The following R3HDM1 variants were observed in gnomAD, a reference collection of about 807,000 sequenced individuals.
R3HDM1 encodes R3H domain-containing protein 1.
A neutral mutation model predicts 141.1 loss-of-function variants in R3HDM1; 46 were observed. That is an observed-to-expected ratio of 0.33 (90% confidence interval 0.26 to 0.42). The LOEUF is 0.42. Ranked by LOEUF, R3HDM1 falls within the 10% of genes least tolerant of loss-of-function variation. The probability of loss-of-function intolerance (pLI) is 1.00; values close to 1 mark genes in which losing one functional copy is unlikely to be tolerated. For synonymous variants in R3HDM1, 435 were observed against 472.9 expected, an observed-to-expected ratio of 0.92 and a Z score of 1.04; for missense variants, 1,184 against 1,368.3, an observed-to-expected ratio of 0.87 and a Z score of 2.12.
rs147481912 is a variant in R3HDM1 at position 135,557,436 on chromosome 2, G to A, written c.-250+25803G>A. ...AGCATACAAACTCAACAAAACAGGAGTCAGAGAATTTACTAAACTCATCGA... is the reference window on the plus strand; with the variant it reads ...AGCATACAAACTCAACAAAACAGGAATCAGAGAATTTACTAAACTCATCGA... On this transcript the variant is annotated intron_variant, in intron 1 of 26. Transcript: ENST00000683871. Among the ~76,000 whole-genome samples the A allele has an allele frequency of 2.6e-5, 4 of 152,234 alleles. No homozygotes were observed. In the East Asian group the frequency reaches 7.7e-4, roughly 29 times the overall value.
At chr2:135,620,681 C>G in intron 5 of R3HDM1, 1 of 946,398 alleles carries the variant, frequency 1.1e-6, no homozygotes. Flanking sequence ...TTTAGTAAAA[C>G]TGGTGTAGAA....
chr2:135,675,251 A>G lies in R3HDM1; in HGVS notation c.2153-81A>G, dbSNP rs2068980181. The stretch of plus-strand genomic sequence containing the variant: ...AAAATTTTATCATTTTAGAGCATAA[A>G]AGTACTCGCTTAAATTTTTTTTTAA... On this transcript the variant is annotated intron_variant, in intron 19 of 26. Coordinates refer to ENST00000683871, the MANE Select transcript of R3HDM1 (RefSeq NM_001378107.1). 1.4e-5 allele frequency: 19 copies of G among 1,343,888 alleles called. No individual in the cohort carries two copies. The South Asian group carries it at 2.0e-4, about 14-fold the overall frequency. The allele number at this position is 1,343,888 out of a possible 1,614,324, so 83.2% of individuals were successfully genotyped here.
intron 26 of R3HDM1, among the ~76,000 whole-genome samples, 192 bp downstream of exon 26, chr2:135,722,745 T>C (rs1207104525): frequency 1.3e-5 from 2 of 152,086 alleles, no homozygotes; most frequent in African/African-American, 2.4e-5. Flanking sequence ...GTATATATGG[T>C]AAGATGCAGG....
intron 1 of R3HDM1, among the ~76,000 whole-genome samples, chr2:135,578,200 ATG>A (rs1331173271): frequency 2.0e-5 from 3 of 152,232 alleles, no homozygotes; most frequent in Non-Finnish European, 4.4e-5. Context: ...GTAAGAAAGA[ATG>A]AGGAAAATCG....
chr2:135,568,779 A>G (rs1703393692), intron 1 of R3HDM1: 1 of 152,248 alleles, frequency 6.6e-6, no homozygotes, highest in African/African-American at 2.4e-5. Flanking sequence ...GACCTCTCGG[A>G]AGAAAGGGAT....
intron 1 of R3HDM1, chr2:135,590,830 A>G (rs1200215849): frequency 1.4e-6 from 1 of 699,314 alleles, no homozygotes; most frequent in African/African-American, 1.9e-5. Flanking sequence ...GTTCTGCCTC[A>G]AGCTGTTTTT....
intron 1 of R3HDM1, chr2:135,590,453 T>G (rs1369024231): frequency 9.6e-6 from 7 of 727,354 alleles, no homozygotes; most frequent in Non-Finnish European, 1.2e-5. Context: ...ATGAGACAAT[T>G]GTAAAGAAAC....
chr2:135,649,625 C>CGA (rs1338295680), intron 16 of R3HDM1, among the ~76,000 whole-genome samples: 1 of 152,106 alleles, frequency 6.6e-6, no homozygotes, highest in Non-Finnish European at 1.5e-5. Context: ...GCCTAAGTCA[C>CGA]CTGTTCCCGT....
chr2:135,641,258 A>G (rs975079364), intron 14 of R3HDM1, among the ~76,000 whole-genome samples: 1 of 152,098 alleles, frequency 6.6e-6, no homozygotes, highest in Non-Finnish European at 1.5e-5. Context: ...AATGTGGGTA[A>G]TGTGCTTTTT....
intron 1 of R3HDM1, among the ~76,000 whole-genome samples, chr2:135,532,726 G>A (rs918200472): frequency 6.6e-6 from 1 of 152,154 alleles, no homozygotes; most frequent in Admixed American, 6.5e-5. Context: ...GATCTTCTAA[G>A]TAATAGGATA....
At chr2:135,685,641 A>G (rs1448254219) in intron 21 of R3HDM1, among the ~76,000 whole-genome samples, 4 of 152,132 alleles carry the variant, frequency 2.6e-5, no homozygotes, top group Admixed American at 1.3e-4. Context: ...AATACATGCT[A>G]TATTCATTGA....
chr2:135,720,655 T>A (rs1269032420), intron 24 of R3HDM1, among the ~76,000 whole-genome samples: 2 of 152,352 alleles, frequency 1.3e-5, no homozygotes, highest in Admixed American at 6.5e-5. Context: ...ACTTAAGAAC[T>A]ACACAACTTT....
intron 1 of R3HDM1, among the ~76,000 whole-genome samples, chr2:135,549,585 A>C (rs1699453386): frequency 6.6e-6 from 1 of 150,988 alleles, no homozygotes; most frequent in Non-Finnish European, 1.5e-5. Flanking sequence ...AAAAAAACAA[A>C]AACAAAATGG....
intron 1 of R3HDM1, among the ~76,000 whole-genome samples, chr2:135,593,311 A>G (rs1304454427): frequency 6.6e-6 from 1 of 152,184 alleles, no homozygotes; most frequent in Non-Finnish European, 1.5e-5. Context: ...TTTAGCACAT[A>G]CATGGGGAGC....
intron 7 of R3HDM1, among the ~76,000 whole-genome samples, chr2:135,629,634 G>T (rs1048536551): frequency 2.6e-5 from 4 of 152,124 alleles, no homozygotes; most frequent in African/African-American, 9.7e-5. Context: ...CAGCAAAGGG[G>T]AACAGCATGT....
chr2:135,702,161 A>C (rs897104031), intron 21 of R3HDM1, among the ~76,000 whole-genome samples: 1 of 146,150 alleles, frequency 6.8e-6, no homozygotes, highest in Non-Finnish European at 1.5e-5. Context: ...GCAGTGAGCT[A>C]TGATTGCACC....
At position 135,638,746 on chromosome 2, in the gene R3HDM1, G is replaced by A. The variant is rs139991249; in HGVS notation, c.949G>A (p.Asp317Asn). The change falls in exon 13 of 27, where the codon GAC (aspartate) becomes AAC (asparagine). Residue 317 changes from aspartate (D) to asparagine (N), a missense_variant. Physicochemically the swap from Asp to Asn is conservative, Grantham distance 23. Transcript: ENST00000683871. ...CTATTAAAATGCCAACAGACTCCAA[G>A]ACGAGGATGCCAGTAGTACCCAGCA... ...ENYIIDKRLQ[D>N]EDASSTQQRR... 23 of 1,614,024 alleles carry A rather than the reference G, an allele frequency of 1.4e-5. No individual in the cohort carries two copies. Among genetic ancestry groups the A allele is most frequent in the Middle Eastern group, 3.3e-4 (2 of 6,062 alleles).
intron 1 of R3HDM1, chr2:135,586,564 A>C (rs1219366450): frequency 9.4e-5 from 27 of 287,146 alleles, no homozygotes; most frequent in Non-Finnish European, 1.3e-4. Context: ...TACATGAAGT[A>C]TTCATGTTCA....
intron 21 of R3HDM1, among the ~76,000 whole-genome samples, chr2:135,705,808 A>G (rs1186607475): frequency 1.3e-5 from 2 of 152,170 alleles, no homozygotes; most frequent in South Asian, 2.1e-4. Flanking sequence ...CTATAATGTT[A>G]AAGGAATAAG....
Sources: gnomAD v4.1 joint callset for allele counts (sites outside exome capture counted in the v4.1 genomes callset) on GRCh38, gnomAD v4.1.1 for gene constraint, MANE v1.5 for transcripts, NCBI Gene and HGNC (gene_info 2026-07-23, HGNC 2026-07-21) for gene names.